CLIC5: variants seen among roughly 807,000 people sequenced by gnomAD.
The protein encoded by CLIC5 is CLIC family member 5.
A neutral mutation model predicts 24.7 loss-of-function variants in CLIC5; 20 were observed. That is an observed-to-expected ratio of 0.81 (90% CI 0.57 to 1.18). The LOEUF (loss-of-function observed/expected upper bound fraction) is 1.18. CLIC5 is among the 50% of genes most tolerant of loss of function. CLIC5 has a pLI of 0.00. For missense variants in CLIC5, 341 were observed against 326.1 expected, an observed-to-expected ratio of 1.05 and a Z score of -0.35; for synonymous variants, 159 against 135.6, an observed-to-expected ratio of 1.17 and a Z score of -1.20.
chr6:45,959,245 C>T (rs1278055354), intron 1 of CLIC5, among the ~76,000 whole-genome samples: 1 of 152,124 alleles, frequency 6.6e-6, no homozygotes, highest in African/African-American at 2.4e-5. Context: ...TTGAGGATCC[C>T]AGAAAGGTTT....
chr6:45,987,746 A>T (rs1170344932), intron 1 of CLIC5, among the ~76,000 whole-genome samples: 1 of 152,174 alleles, frequency 6.6e-6, no homozygotes, highest in African/African-American at 2.4e-5. Flanking sequence ...AGGGAGAGAG[A>T]GAGAGAATAT....
chr6:45,965,265 A>G (rs1265065876), intron 1 of CLIC5, among the ~76,000 whole-genome samples: 1 of 152,232 alleles, frequency 6.6e-6, no homozygotes, highest in African/African-American at 2.4e-5. Flanking sequence ...TGGTACAATG[A>G]TAGATACATG....
chr6:46,058,820 A>T (rs1347163675), intron 1 of CLIC5, among the ~76,000 whole-genome samples: 3 of 152,220 alleles, frequency 2.0e-5, no homozygotes, highest in Non-Finnish European at 4.4e-5. Flanking sequence ...TCCACAAAAA[A>T]AAAGGTATAA....
the CLIC5 span, among the ~76,000 whole-genome samples, chr6:46,087,690 A>G: frequency 6.6e-6 from 1 of 152,136 alleles, no homozygotes; most frequent in Non-Finnish European, 1.5e-5. Context: ...TAGAACCTCC[A>G]GTATAGAAGA....
chr6:45,983,346 A>G (rs7764411), intron 1 of CLIC5, among the ~76,000 whole-genome samples: 5,683 of 152,322 alleles, frequency 0.037, 349 homozygotes, highest in African/African-American at 0.13. Context: ...AAGTGTCATC[A>G]AATGAGTAGT....
chr6:45,887,183 T>G (rs1290504447), intron 6 of CLIC5, among the ~76,000 whole-genome samples: 1 of 152,256 alleles, frequency 6.6e-6, no homozygotes, highest in Non-Finnish European at 1.5e-5. Context: ...CTGTGGCTAC[T>G]GTAACAAGTA....
intron 6 of CLIC5, among the ~76,000 whole-genome samples, chr6:45,889,272 A>C (rs1238603027): frequency 6.6e-6 from 1 of 152,160 alleles, no homozygotes; most frequent in Admixed American, 6.5e-5. Context: ...CACATGGTGG[A>C]GGGCAGAGAG....
Position 46,009,573 on chromosome 6 carries a change from T to C in CLIC5, c.63+5907A>G, listed in dbSNP as rs139181429. 3.2e-3 allele frequency among the ~76,000 whole-genome samples: 490 copies of C among 152,266 alleles called. 3 individuals are homozygous for C. Among genetic ancestry groups the C allele is most frequent in the Middle Eastern group, 6.8e-3 (2 of 294 alleles). On this transcript the variant is annotated intron_variant, in intron 1 of 5. Transcript: ENST00000339561. ...GACAACAGATACAACTCAGGATGTG[T>C]TCTGGGTAATAGTTTTTTAATAGAT...
At chr6:46,086,010 C>T in the CLIC5 span, among the ~76,000 whole-genome samples, 1 of 152,328 alleles carries the variant, frequency 6.6e-6, no homozygotes, top group South Asian at 2.1e-4. Flanking sequence ...GCTGTGCTAG[C>T]AATCAGTGAG....
In CLIC5 at chr6:45,955,169, C is replaced by T. The variant is rs1287278600; in HGVS notation, c.139G>A (p.Val47Ile). ...TCCACAGTGGTGACATTGAACACGA[C>T]TCCTTTCAGCCAGAGGATCATGAAG... ...RLFMILWLKG[V>I]VFNVTTVDLK... Residue 47 changes from valine (V) to isoleucine (I), a missense_variant, in exon 2 of 6, where the codon GTC becomes ATC. By Grantham distance (29) the Val-to-Ile change is conservative. Transcript: ENST00000339561. 20 of 1,613,858 alleles carry T rather than the reference C, an allele frequency of 1.2e-5. No individual in the cohort carries two copies. The highest frequency in any genetic ancestry group is 2.2e-5 in the East Asian group (1 of 44,886).
At chr6:46,085,368 A>C in the CLIC5 span, among the ~76,000 whole-genome samples, 1 of 152,072 alleles carries the variant, frequency 6.6e-6, no homozygotes, top group Non-Finnish European at 1.5e-5. Context: ...TAGAGTTTCC[A>C]GTTTTTCTGC....
chr6:45,951,042 C>A (rs909511806), intron 2 of CLIC5, among the ~76,000 whole-genome samples: 3 of 152,124 alleles, frequency 2.0e-5, no homozygotes, highest in African/African-American at 7.2e-5. Context: ...AAATAGATCA[C>A]TTGATTTATG....
chr6:46,039,772 C>T (rs1209710212), intron 1 of CLIC5, among the ~76,000 whole-genome samples: 1 of 152,068 alleles, frequency 6.6e-6, no homozygotes, highest in Non-Finnish European at 1.5e-5. Flanking sequence ...AGCTTTTCTT[C>T]AAAATGAGAT....
At chr6:46,097,719 G>A in the CLIC5 span, among the ~76,000 whole-genome samples, 2 of 152,292 alleles carry the variant, frequency 1.3e-5, no homozygotes, top group Admixed American at 1.3e-4. Flanking sequence ...GAAATGTCTT[G>A]ATAGTTAAGA....
chr6:46,114,624 A>T, the CLIC5 span, among the ~76,000 whole-genome samples: 1 of 150,994 alleles, frequency 6.6e-6, no homozygotes, highest in Non-Finnish European at 1.5e-5. Flanking sequence ...GATTTTCCAG[A>T]CCTCCCTTTT....
chr6:46,038,368 G>A (rs1472787573), intron 1 of CLIC5, among the ~76,000 whole-genome samples: 1 of 152,156 alleles, frequency 6.6e-6, no homozygotes, highest in African/African-American at 2.4e-5. Context: ...GGGTCCTCAT[G>A]CCCCATGATC....
intron 5 of CLIC5, among the ~76,000 whole-genome samples, chr6:45,910,085 T>C (rs1363795558): frequency 6.6e-6 from 1 of 152,236 alleles, no homozygotes; most frequent in East Asian, 1.9e-4. Flanking sequence ...ACTTCTGTTA[T>C]AACACTGAGC....
intron 4 of CLIC5, among the ~76,000 whole-genome samples, chr6:45,928,408 T>A (rs981465935): frequency 6.6e-6 from 1 of 152,178 alleles, no homozygotes; most frequent in African/African-American, 2.4e-5. Context: ...TATCCAGAGA[T>A]ATTCTCCCCT....
intron 1 of CLIC5, among the ~76,000 whole-genome samples, chr6:46,035,840 G>T (rs924177916): frequency 5.3e-5 from 8 of 151,956 alleles, no homozygotes; most frequent in Non-Finnish European, 1.0e-4. Context: ...TGCCTCCTAG[G>T]TTCAACTGAT....
Sources: gnomAD v4.1 joint callset for allele counts (sites outside exome capture counted in the v4.1 genomes callset) on GRCh38, gnomAD v4.1.1 for gene constraint, MANE v1.5 for transcripts, NCBI Gene and HGNC (gene_info 2026-07-23, HGNC 2026-07-21) for gene names.